Variants in UGT1A6 observed in about 807,000 individuals in gnomAD.
The protein encoded by UGT1A6 is UDP glucuronosyltransferase family 1 member A6.
In UGT1A6, 32 loss-of-function variants were observed where a neutral mutation model predicts 44.4. The observed-to-expected ratio is 0.72, with a 90% CI of 0.54 to 0.97. UGT1A6 has a LOEUF of 0.97. Among genes scored for constraint, UGT1A6 ranks in the 50% least tolerant of loss-of-function variants. UGT1A6 has a pLI of 0.00. For synonymous variants in UGT1A6, 238 were observed against 248.5 expected, an observed-to-expected ratio of 0.96 and a Z score of 0.40; for missense variants, 685 against 661.9, an observed-to-expected ratio of 1.03 and a Z score of -0.38.
intron 1 of UGT1A6, among the ~76,000 whole-genome samples, chr2:233,694,304 G>GTT (rs35761222): frequency 6.9e-5 from 10 of 145,480 alleles, no homozygotes; most frequent in East Asian, 2.0e-4. Flanking sequence ...CCTGTTTTTT[G>GTT]TTTTTTTTTT....
At chr2:233,718,756 G>A (rs994719163) in intron 1 of UGT1A6, 95 of 1,612,444 alleles carry the variant, frequency 5.9e-5, no homozygotes, top group East Asian at 2.9e-4. Context: ...TAATTAAGGC[G>A]AAGGAAACAA....
intron 1 of UGT1A6, among the ~76,000 whole-genome samples, chr2:233,695,435 CT>C (rs747907611): frequency 1.0e-4 from 13 of 130,450 alleles, no homozygotes; most frequent in African/African-American, 1.1e-4. Flanking sequence ...TCTTCTTCTT[CT>C]TTTTTTTTTG....
At chr2:233,728,118 A>T (rs567951320) in intron 1 of UGT1A6, among the ~76,000 whole-genome samples, 4 of 152,254 alleles carry the variant, frequency 2.6e-5, no homozygotes, top group African/African-American at 9.6e-5. Flanking sequence ...TCCATCTTGA[A>T]ATTTGGACTA....
At chr2:233,713,744 T>C (rs137952543) in intron 1 of UGT1A6, 2 of 1,613,956 alleles carry the variant, frequency 1.2e-6, no homozygotes, top group African/African-American at 1.3e-5. Flanking sequence ...TTGTCAGCCA[T>C]GCATCTGTGT....
chr2:233,701,126 A>G (rs1398709726), intron 1 of UGT1A6, among the ~76,000 whole-genome samples: 2 of 152,140 alleles, frequency 1.3e-5, no homozygotes, highest in African/African-American at 4.8e-5. Flanking sequence ...TCATTGAGGG[A>G]CATTTAGGTT....
At chr2:233,748,150 A>T (rs1362576918) in intron 1 of UGT1A6, 1 of 1,604,682 alleles carries the variant, frequency 6.2e-7, no homozygotes, top group East Asian at 2.2e-5. Context: ...TTTACTTACA[A>T]TTGCTTCCAT....
At chr2:233,743,637 G>A (rs375962177) in intron 1 of UGT1A6, 6 of 1,367,294 alleles carry the variant, frequency 4.4e-6, no homozygotes, top group East Asian at 9.1e-5. Context: ...GCTGGGTCGC[G>A]GAAGCTGAAG....
chr2:233,747,689 A>G lies in UGT1A6; in HGVS notation c.862-19345A>G, dbSNP rs552388790. The stretch of plus-strand genomic sequence containing the variant: ...TAGACCCAATTTACCTCTGTGGGGC[A>G]GTGCTGGCTAAGTACCTATCAATTC... On this transcript the variant is annotated intron_variant, in intron 1 of 4. Transcript: ENST00000305139. 1.1e-5 allele frequency: 18 copies of G among 1,609,782 alleles called. No homozygotes were observed. In the Middle Eastern group the frequency reaches 5.0e-4, roughly 44 times the overall value.
chr2:233,735,492 A>G (rs997363481), intron 1 of UGT1A6, among the ~76,000 whole-genome samples: 3 of 152,118 alleles, frequency 2.0e-5, no homozygotes, highest in African/African-American at 7.2e-5. Flanking sequence ...TTTTAATTGC[A>G]GCATTTAGCC....
chr2:233,743,636 C>A (rs764566878), intron 1 of UGT1A6: 1 of 1,367,194 alleles, frequency 7.3e-7, no homozygotes. Context: ...GGCTGGGTCG[C>A]GGAAGCTGAA....
intron 1 of UGT1A6, among the ~76,000 whole-genome samples, chr2:233,705,148 AAGAGAG>A (rs939982250): frequency 6.6e-6 from 1 of 150,886 alleles, no homozygotes; most frequent in Non-Finnish European, 1.5e-5. Flanking sequence ...AAAAAAAAAA[AAGAGAG>A]AGAGAGAGAG....
At chr2:233,692,125 C>T (rs948128229), upstream of UGT1A6, 1 of 152,114 alleles carries the variant, frequency 6.6e-6, no homozygotes, top group Non-Finnish European at 1.5e-5. Context: ...TCAATCATGC[C>T]TACTATGTAT....
intron 1 of UGT1A6, chr2:233,712,908 G>A: frequency 2.5e-6 from 4 of 1,610,644 alleles, no homozygotes; most frequent in Non-Finnish European, 3.4e-6. Flanking sequence ...AGGTGTCTCA[G>A]TGACAAGGTA....
chr2:233,720,860 T>C (rs2076898580), intron 1 of UGT1A6, among the ~76,000 whole-genome samples: 2 of 148,966 alleles, frequency 1.3e-5, no homozygotes, highest in African/African-American at 5.0e-5. Flanking sequence ...CATGTGCCAC[T>C]GCTCCTGGCA....
Position 233,695,130 on chromosome 2 carries a change from C to CTTTCTTTTTTTTTTTTTT in UGT1A6, c.861+1268_861+1269insCTTTTTTTTTTTTTTTTT, listed in dbSNP as rs1364557158. Among the ~76,000 whole-genome samples, 15 of 138,840 alleles carry CTTTCTTTTTTTTTTTTTT rather than the reference C, an allele frequency of 1.1e-4. 2 individuals carry two copies. Among genetic ancestry groups the CTTTCTTTTTTTTTTTTTT allele is most frequent in the Admixed American group, 3.5e-4 (5 of 14,108 alleles). 91.1% of individuals were successfully genotyped at this position (138,840 alleles called of 152,430 possible). ...GCCCATTAACCAACCCTTTTCTTTTCTTTTTTTTTTTTTTGAGACAGAGTC... is the reference window on the plus strand; with the variant it reads ...GCCCATTAACCAACCCTTTTCTTTTCTTTCTTTTTTTTTTTTTTTTTTTTTTTTTTTTGAGACAGAGTC... On this transcript the variant is annotated intron_variant, in intron 1 of 4. Transcript: ENST00000305139.
Position 233,760,769 on chromosome 2 carries a change from C to T in UGT1A6, c.862-6265C>T, listed in dbSNP as rs756981269. 1.9e-6 allele frequency: 3 copies of T among 1,614,028 alleles called. No individual in the cohort carries two copies. The South Asian group carries it at 3.3e-5, about 18-fold the overall frequency. On this transcript the variant is annotated intron_variant, in intron 1 of 4. Coordinates refer to ENST00000305139, the MANE Select transcript of UGT1A6 (RefSeq NM_001072.4). ...TTCCTTCCTTGCAGCCCCATCGTGG[C>T]CCAGTACCTGTCTCTGCCCACTGTA...
intron 1 of UGT1A6, among the ~76,000 whole-genome samples, chr2:233,704,960 A>AC (rs1240949729): frequency 6.6e-6 from 1 of 152,052 alleles, no homozygotes; most frequent in Non-Finnish European, 1.5e-5. Flanking sequence ...ACATGGTGAA[A>AC]CCCCATCTCT....
At chr2:233,736,915 T>A (rs1289213443) in intron 1 of UGT1A6, among the ~76,000 whole-genome samples, 1 of 152,142 alleles carries the variant, frequency 6.6e-6, no homozygotes, top group African/African-American at 2.4e-5. Context: ...GGAAGCTTCA[T>A]ACCAGAGGCG....
At chr2:233,712,194 G>A (rs796216388) in intron 1 of UGT1A6, among the ~76,000 whole-genome samples, 8 of 152,168 alleles carry the variant, frequency 5.3e-5, no homozygotes, top group African/African-American at 1.2e-4. Context: ...CAGCTCCCCC[G>A]GTCCCTTGGT....
Sources: allele counts gnomAD v4.1 joint callset (sites outside exome capture counted in the v4.1 genomes callset), GRCh38; gene constraint gnomAD v4.1.1; transcripts MANE v1.5; gene names NCBI Gene and HGNC (gene_info 2026-07-23, HGNC 2026-07-21).